DUSP2: variants seen among roughly 807,000 people sequenced by gnomAD.
DUSP2 encodes dual specificity phosphatase 2, also known as dual specificity protein phosphatase 2.
A neutral mutation model predicts 23.3 loss-of-function variants in DUSP2; 20 were observed. The observed-to-expected ratio is 0.86, with a 90% CI of 0.60 to 1.25. The LOEUF (loss-of-function observed/expected upper bound fraction) is 1.25, where lower values mean the gene tolerates loss of function less well. DUSP2 is among the 50% of genes most tolerant of loss of function. The pLI, the probability that DUSP2 is intolerant of heterozygous loss-of-function variation, is 0.00. For synonymous variants in DUSP2, 231 were observed against 209.7 expected (o/e 1.10, Z -0.88); for missense variants, 435 against 452.6 (o/e 0.96, Z 0.35).
rs776286763 is a variant in DUSP2 at position 96,145,350 on chromosome 2, C to T, written c.5G>A (p.Gly2Glu). M[G>E]LEAARELECA... ...CTCCAGCTCGCGCGCCGCCTCCAGC[C>T]CCATGGCCACCGGTGCCTCTTCCTC... The change falls in exon 1 of 4, where the codon GGG becomes GAG. Residue 2 changes from glycine (G) to glutamate (E), a missense_variant. By Grantham distance (98) the Gly-to-Glu change is moderately conservative. Coordinates refer to ENST00000288943, the MANE Select transcript of DUSP2 (RefSeq NM_004418.4). 5 of 1,408,476 alleles carry T rather than the reference C, an allele frequency of 3.5e-6. No homozygotes were observed. The African/African-American group carries it at 4.5e-5, about 13-fold the overall frequency. 87.2% of individuals were successfully genotyped at this position (1,408,476 alleles called of 1,614,324 possible).
At chr2:96,144,921 G>T (rs1188115482) in intron 1 of DUSP2, 39 bp from the exon 2 acceptor site, 1 of 1,548,842 alleles carries the variant, frequency 6.5e-7, no homozygotes, top group South Asian at 1.2e-5. Flanking sequence ...AGGGAAAGCC[G>T]GGCTGGAGTC....
chr2:96,144,684 G>A, intron 2 of DUSP2, 77 bp downstream of exon 2: 1 of 1,322,014 alleles, frequency 7.6e-7, no homozygotes, highest in Non-Finnish European at 1.0e-6. Context: ...ATCCCCAAAT[G>A]GCAGGCTCTT....
In DUSP2 at chr2:96,143,685, A is replaced by G; in HGVS notation, c.*138T>C. On this transcript the variant is annotated 3_prime_UTR_variant, in exon 4 of 4. Transcript: ENST00000288943. ...GCATGCCGGCATTCCTAGAGCCCCC[A>G]TGTGGGGGCTTCTGAAACTCTGAGG... The G allele has an allele frequency of 1.0e-6, 1 of 1,002,820 alleles. No homozygotes were observed. 62.1% of individuals were successfully genotyped at this position (1,002,820 alleles called of 1,614,324 possible).
Position 96,143,702 on chromosome 2 carries a change from ACT to A in DUSP2, c.*119_*120del. ...GAGCCCCCATGTGGGGGCTTCTGAAACTCTGAGGAGGTAGCAGCCCTGCCAGA... is the reference window on the plus strand; with the variant it reads ...GAGCCCCCATGTGGGGGCTTCTGAAACTGAGGAGGTAGCAGCCCTGCCAGA... On this transcript the variant is annotated 3_prime_UTR_variant, in exon 4 of 4. Transcript: ENST00000288943. 1 of 1,212,606 alleles carries A rather than the reference ACT, an allele frequency of 8.2e-7. No homozygotes were observed. Among genetic ancestry groups the A allele is most frequent in the Non-Finnish European group, 1.1e-6 (1 of 875,096 alleles). 75.1% of individuals were successfully genotyped at this position (1,212,606 alleles called of 1,614,324 possible).
chr2:96,143,955 G>A lies in DUSP2; in HGVS notation c.813C>T (p.Tyr271=). The A allele has an allele frequency of 6.2e-7, 1 of 1,613,868 alleles. No homozygotes were observed. Among genetic ancestry groups the A allele is most frequent in the Non-Finnish European group, 8.5e-7 (1 of 1,180,028 alleles). The change falls in exon 4 of 4, where the codon TAC becomes TAT. Residue 271 remains tyrosine, a synonymous_variant. Transcript: ENST00000288943. ...ISRSATICLA[Y]LMQSRRVRLD... ...GCCGCACACGGCGACTCTGCATGAG[G>A]TATGCCAGACAGATGGTGGCAGAGC...
intron 2 of DUSP2, 192 bp from the exon 3 acceptor site, chr2:96,144,565 A>G: frequency 1.4e-6 from 1 of 714,918 alleles, no homozygotes. Context: ...CCCAACATAC[A>G]CATGCAAACA....
Position 96,144,354 on chromosome 2 carries a change from A to G in DUSP2, c.530T>C (p.Leu177Ser), listed in dbSNP as rs375737797. The stretch of plus-strand genomic sequence containing the variant: ...GCAGCTGCCCAGGAACAGGTAGGGC[A>G]AGATCTCCACAGGGCCACCCTGGAG... Reference protein sequence around the residue: ...VYDQGGPVEILPYLFLGSCSH... With the variant: ...VYDQGGPVEISPYLFLGSCSH... The change falls in exon 3 of 4, where the codon TTG (leucine) becomes TCG (serine). Residue 177 changes from leucine to serine, a missense_variant. By Grantham distance (145) the Leu-to-Ser change is moderately radical. Coordinates refer to ENST00000288943, the MANE Select transcript of DUSP2 (RefSeq NM_004418.4). 2.2e-5 allele frequency: 35 copies of G among 1,613,098 alleles called. No individual in the cohort carries two copies. The highest frequency in any genetic ancestry group is 2.9e-5 in the Non-Finnish European group (34 of 1,179,798).
Position 96,143,912 on chromosome 2 carries a change from A to C in DUSP2, c.856T>G (p.Phe286Val). ...ATGACCCCCCGGCGCTGCTTAACGA[A>C]GTCAAAGGCCTCGTCCAGCCGCACA... ...RRVRLDEAFDFVKQRRGVISP... is the reference protein window; with the variant it reads ...RRVRLDEAFDVVKQRRGVISP... Residue 286 changes from phenylalanine to valine, a missense_variant, in exon 4 of 4, where the codon TTC (phenylalanine) becomes GTC (valine). Physicochemically the swap from Phe to Val is conservative, Grantham distance 50. Coordinates refer to ENST00000288943, the MANE Select transcript of DUSP2 (RefSeq NM_004418.4). The C allele has an allele frequency of 6.2e-7, 1 of 1,613,782 alleles. No individual in the cohort carries two copies. The highest frequency in any genetic ancestry group is 8.5e-7 in the Non-Finnish European group (1 of 1,180,026).
chr2:96,145,012 G>A lies in DUSP2; in HGVS notation c.343C>T (p.Leu115=), dbSNP rs542663886. 3.9e-6 allele frequency: 6 copies of A among 1,540,400 alleles called. No homozygotes were observed. The highest frequency in any genetic ancestry group is 2.7e-5 in the African/African-American group (2 of 73,574). Residue 115 remains leucine, a synonymous_variant, in exon 1 of 4, where the codon CTG becomes TTG. Transcript: ENST00000288943. ...GTGGGCCCCGCGCGGGTCTCGTGCA[G>A]CAGCGCGGCCAGCAGCACATGAGCC... The part of the protein sequence containing the change: ...SPAHVLLAAL[L]HETRAGPTAV...
rs1405404364 is a variant in DUSP2 at position 96,145,090 on chromosome 2, C to T, written c.265G>A (p.Val89Met). The change falls in exon 1 of 4, where the codon GTG (valine) becomes ATG (methionine). Residue 89 changes from valine to methionine, a missense_variant. By Grantham distance (21) the Val-to-Met change is conservative. Coordinates refer to ENST00000288943, the MANE Select transcript of DUSP2 (RefSeq NM_004418.4). ...RLVRGELARA[V>M]VLDEGSASVA... ...GAGGCACTGCCCTCGTCCAGCACCA[C>T]GGCCCGCGCCAGCTCCCCGCGGACC... is the stretch of plus-strand genomic sequence containing the variant. 1.4e-6 allele frequency: 2 copies of T among 1,456,820 alleles called. No individual in the cohort carries two copies. The highest frequency in any genetic ancestry group is 1.8e-6 in the Non-Finnish European group (2 of 1,113,754). The allele number at this position is 1,456,820 out of a possible 1,614,324, so 90.2% of individuals were successfully genotyped here.
In DUSP2 at chr2:96,144,891, AG is replaced by A; in HGVS notation, c.389-10del. On this transcript the variant is annotated splice_polypyrimidine_tract_variant and intron_variant, in intron 1 of 3. Transcript: ENST00000288943. ...GAAGCCGTCGAAGCCTCCTGCAAGG[AG>A]GGGAAGAGCACGATCAGCAGGGAAA... 1 of 1,548,878 alleles carries A rather than the reference AG, an allele frequency of 6.5e-7. No homozygotes were observed. The highest frequency in any genetic ancestry group is 8.7e-7 in the Non-Finnish European group (1 of 1,145,758).
Position 96,143,986 on chromosome 2 carries a change from A to C in DUSP2, c.782T>G (p.Ile261Ser). The change falls in exon 4 of 4, where the codon ATC (isoleucine) becomes AGC (serine). Residue 261 changes from isoleucine to serine, a missense_variant. Transcript: ENST00000288943. Reference sequence around the variant, plus strand: ...CAGACAGATGGTGGCAGAGCGCGAGATACCCGCCTGGCAGTGCACCAGCAC... The same window carrying C: ...CAGACAGATGGTGGCAGAGCGCGAGCTACCCGCCTGGCAGTGCACCAGCAC... ...GRVLVHCQAG[I>S]SRSATICLAY... 1 of 1,613,828 alleles carries C rather than the reference A, an allele frequency of 6.2e-7. No individual in the cohort carries two copies. The highest frequency in any genetic ancestry group is 8.5e-7 in the Non-Finnish European group (1 of 1,180,020).
rs1682485623 is a variant in DUSP2 at position 96,145,068 on chromosome 2, G to A, written c.287C>T (p.Ala96Val). ...GTCGGGCCGGAGCTCCGCCACCGAG[G>A]CACTGCCCTCGTCCAGCACCACGGC... ...ARAVVLDEGS[A>V]SVAELRPDSP... Residue 96 changes from alanine (A) to valine (V), a missense_variant, in exon 1 of 4, where the codon GCC becomes GTC. Transcript: ENST00000288943. The A allele has an allele frequency of 1.3e-6, 2 of 1,520,388 alleles. No homozygotes were observed. The highest frequency in any genetic ancestry group is 1.8e-6 in the Non-Finnish European group (2 of 1,140,118). 94.2% of individuals were successfully genotyped at this position (1,520,388 alleles called of 1,614,324 possible).
At position 96,144,848 on chromosome 2, in the gene DUSP2, A is replaced by T. The variant is rs1682477572; in HGVS notation, c.423T>A (p.Asp141Glu). ...GFDGFQGCCP[D>E]LCSEAPAPAL... ...CAGGGGCGGGGGCCTCAGAGCACAG[A>T]TCGGGACAGCAGCCCTGGAAGCCGT... Residue 141 changes from aspartate to glutamate, a missense_variant, in exon 2 of 4, where the codon GAT becomes GAA. Physicochemically the swap from Asp to Glu is conservative, Grantham distance 45. Transcript: ENST00000288943. The T allele has an allele frequency of 1.9e-6, 3 of 1,557,252 alleles. No individual in the cohort carries two copies. Among genetic ancestry groups the T allele is most frequent in the Middle Eastern group, 1.7e-4 (1 of 5,976 alleles).
In DUSP2 at chr2:96,144,179, C is replaced by A; in HGVS notation, c.705G>T (p.Trp235Cys). The change falls in exon 3 of 4, where the codon TGG becomes TGT. Residue 235 changes from tryptophan to cysteine, a missense_variant. Physicochemically the swap from Trp to Cys is radical, Grantham distance 215. Coordinates refer to ENST00000288943, the MANE Select transcript of DUSP2 (RefSeq NM_004418.4). ...CAATGAAGCCTATGGCCTCCTGGAA[C>A]CAGGCACTGATCTCCACCATCTGGT... ...EDNQMVEISA[W>C]FQEAIGFIDW... 1 of 1,614,122 alleles carries A rather than the reference C, an allele frequency of 6.2e-7. No homozygotes were observed. The highest frequency in any genetic ancestry group is 8.5e-7 in the Non-Finnish European group (1 of 1,180,034).
Position 96,144,787 on chromosome 2 carries a change from C to T in DUSP2, c.484G>A (p.Asp162Asn). 1.3e-6 allele frequency: 2 copies of T among 1,590,138 alleles called. No individual in the cohort carries two copies. Among genetic ancestry groups the T allele is most frequent in the Non-Finnish European group, 1.7e-6 (2 of 1,169,486 alleles). Residue 162 changes from aspartate to asparagine, a missense_variant, in exon 2 of 4, where the codon GAC becomes AAC. Physicochemically the swap from Asp to Asn is conservative, Grantham distance 23. Coordinates refer to ENST00000288943, the MANE Select transcript of DUSP2 (RefSeq NM_004418.4). Reference protein sequence around the residue: ...PPTGDKTSRSDSRAPVYDQGG... With the variant: ...PPTGDKTSRSNSRAPVYDQGG... ...TGGTCGTAGACAGGAGCCCTGGAGT[C>T]GGAGCGGCTGGTTTTGTCCCCTGTT...
At position 96,145,106 on chromosome 2, in the gene DUSP2, C is replaced by T; in HGVS notation, c.249G>A (p.Gly83=). ...CCAGCACCACGGCCCGCGCCAGCTC[C>T]CCGCGGACCAGGCGCGTCCGCAGCG... ...DRALRTRLVR[G]ELARAVVLDE... Residue 83 remains glycine (G), a synonymous_variant, in exon 1 of 4, where the codon GGG becomes GGA. Transcript: ENST00000288943. 1.4e-6 allele frequency: 2 copies of T among 1,422,208 alleles called. No individual in the cohort carries two copies. The highest frequency in any genetic ancestry group is 1.8e-6 in the Non-Finnish European group (2 of 1,098,706). 88.1% of individuals were successfully genotyped at this position (1,422,208 alleles called of 1,614,324 possible).
chr2:96,144,761 C>A lies in DUSP2; in HGVS notation c.510G>T (p.Gln170His), dbSNP rs1682473379. The change falls in exon 2 of 4, where the codon CAG becomes CAT. Residue 170 changes from glutamine to histidine, a missense_variant and splice_region_variant. Coordinates refer to ENST00000288943, the MANE Select transcript of DUSP2 (RefSeq NM_004418.4). ...RSDSRAPVYD[Q>H]GGPVEILPYL... is the part of the protein sequence containing the mutation. ...TCGGGGGAGGGGGGTCAATACTCAC[C>A]TGGTCGTAGACAGGAGCCCTGGAGT... 1 of 1,585,594 alleles carries A rather than the reference C, an allele frequency of 6.3e-7. No individual in the cohort carries two copies. Among genetic ancestry groups the A allele is most frequent in the Non-Finnish European group, 8.6e-7 (1 of 1,167,148 alleles).
In DUSP2 at chr2:96,143,873, T is replaced by C; in HGVS notation, c.895A>G (p.Ser299Gly). The C allele has an allele frequency of 1.2e-6, 2 of 1,613,494 alleles. No homozygotes were observed. The highest frequency in any genetic ancestry group is 1.7e-6 in the Non-Finnish European group (2 of 1,179,990). The stretch of plus-strand genomic sequence containing the variant: ...AACTGCAGCAGCTGCCCCATGAAAC[T>C]GAAGTTGGGGGAGATGACCCCCCGG... Reference protein sequence around the residue: ...QRRGVISPNFSFMGQLLQFET... With the variant: ...QRRGVISPNFGFMGQLLQFET... The change falls in exon 4 of 4, where the codon AGT (serine) becomes GGT (glycine). Residue 299 changes from serine to glycine, a missense_variant. Physicochemically the swap from Ser to Gly is moderately conservative, Grantham distance 56 (BLOSUM62 0). Transcript: ENST00000288943.
Sources: gnomAD v4.1 joint callset for allele counts on GRCh38, gnomAD v4.1.1 for gene constraint, MANE v1.5 for transcripts, NCBI Gene and HGNC (gene_info 2026-07-23, HGNC 2026-07-21) for gene names.